Variants in SPMIP8 observed in about 807,000 individuals in gnomAD.
SPMIP8 encodes sperm microtubule inner protein 8.
chr16:57,985,480 A>C, the SPMIP8 span: 1 of 1,613,894 alleles, frequency 6.2e-7, no homozygotes, highest in Non-Finnish European at 8.5e-7. Context: ...TGCCCGCCTC[A>C]GTACTGCCTC....
chr16:57,980,330 CA>C, the SPMIP8 span, among the ~76,000 whole-genome samples: 1 of 152,224 alleles, frequency 6.6e-6, no homozygotes, highest in Admixed American at 6.5e-5. Context: ...ATGCATGTAA[CA>C]TACAACCCAT....
chr16:57,985,598 G>A, the SPMIP8 span: 5 of 1,528,466 alleles, frequency 3.3e-6, no homozygotes, highest in Admixed American at 4.3e-5. Flanking sequence ...GGGAGGATGA[G>A]GTCTGGGCCG....
chr16:57,980,782 C>T, the SPMIP8 span, among the ~76,000 whole-genome samples: 1 of 152,160 alleles, frequency 6.6e-6, no homozygotes, highest in Non-Finnish European at 1.5e-5. Flanking sequence ...ACAGCCTCGA[C>T]CTCCCAGGTT....
At chr16:57,987,421 C>T in the SPMIP8 span, 23 of 1,596,790 alleles carry the variant, frequency 1.4e-5, no homozygotes, top group African/African-American at 2.7e-4. Flanking sequence ...GACCCCCTGG[C>T]ATTAATCTCT....
chr16:57,980,706 G>GT, the SPMIP8 span, among the ~76,000 whole-genome samples: 3 of 152,174 alleles, frequency 2.0e-5, no homozygotes, highest in Admixed American at 2.0e-4. Flanking sequence ...GTTTTGTTTT[G>GT]TTTTTTTAGA....
chr16:57,980,346 G>A, the SPMIP8 span, among the ~76,000 whole-genome samples: 6 of 152,228 alleles, frequency 3.9e-5, 1 homozygote, highest in Non-Finnish European at 5.9e-5. Flanking sequence ...ACCCATGTTC[G>A]CTTTGAGGTG....
At chr16:57,987,541 G>A in the SPMIP8 span, 1 of 1,191,838 alleles carries the variant, frequency 8.4e-7, no homozygotes, top group Non-Finnish European at 1.1e-6. Flanking sequence ...AGCCTAACTA[G>A]AAATAAACCT....
chr16:57,984,353 C>T, the SPMIP8 span: 1 of 1,614,240 alleles, frequency 6.2e-7, no homozygotes, highest in South Asian at 1.1e-5. Context: ...CAACAAACCC[C>T]TGCAGTGTTT....
chr16:57,985,993 T>C, the SPMIP8 span: 4 of 1,559,770 alleles, frequency 2.6e-6, no homozygotes, highest in Non-Finnish European at 3.5e-6. Context: ...CTCATCCGAC[T>C]GCTGGGGACA....
At chr16:57,977,673 A>G in the SPMIP8 span, 2 of 901,472 alleles carry the variant, frequency 2.2e-6, no homozygotes, top group East Asian at 4.9e-5. Context: ...TGAGCTCCAG[A>G]AAAATGGCCT....
chr16:57,983,898 C>A, the SPMIP8 span, among the ~76,000 whole-genome samples: 1 of 152,034 alleles, frequency 6.6e-6, no homozygotes, highest in Non-Finnish European at 1.5e-5. Flanking sequence ...CAAGTGTGAG[C>A]TACCGTGCCC....
the SPMIP8 span, among the ~76,000 whole-genome samples, chr16:57,979,044 C>T: frequency 1.3e-5 from 2 of 152,338 alleles, no homozygotes; most frequent in Admixed American, 6.5e-5. Context: ...CTCCTCACAG[C>T]CCCCATGCAG....
chr16:57,983,930 AG>A, the SPMIP8 span, among the ~76,000 whole-genome samples: 1 of 140,636 alleles, frequency 7.1e-6, no homozygotes, highest in Non-Finnish European at 1.5e-5. Context: ...TCTTTTTTTG[AG>A]ACACGATCTT....
the SPMIP8 span, chr16:57,987,105 C>A: frequency 2.7e-6 from 1 of 363,650 alleles, no homozygotes; most frequent in Non-Finnish European, 4.9e-6. Flanking sequence ...CTGGGTTTTG[C>A]TACCATATGA....
chr16:57,987,683 G>A, the SPMIP8 span: 2 of 407,200 alleles, frequency 4.9e-6, no homozygotes, highest in South Asian at 7.7e-5. Context: ...GACTGGTGGG[G>A]GGTTGGAGAA....
At chr16:57,976,779 C>T in the SPMIP8 span, 1 of 925,748 alleles carries the variant, frequency 1.1e-6, no homozygotes, top group Non-Finnish European at 1.6e-6. Context: ...GATCTAAGGT[C>T]CTCTCTCCTC....
At chr16:57,987,190 A>G in the SPMIP8 span, 1 of 438,106 alleles carries the variant, frequency 2.3e-6, no homozygotes, top group South Asian at 7.2e-5. Flanking sequence ...AATGGGAGAG[A>G]AGGATGAGGC....
the SPMIP8 span, among the ~76,000 whole-genome samples, chr16:57,981,407 A>ATTATTATTATTATT: frequency 1.8e-5 from 1 of 56,394 alleles, no homozygotes; most frequent in South Asian, 5.3e-4. Context: ...TTATTATTAT[A>ATTATTATTATTATT]ATAATAATTA....
chr16:57,980,969 C>G, the SPMIP8 span, among the ~76,000 whole-genome samples: 1 of 152,204 alleles, frequency 6.6e-6, no homozygotes, highest in African/African-American at 2.4e-5. Context: ...CCAGCTTCAG[C>G]CTCCCGAAGT....
Sources: gnomAD v4.1 joint callset for allele counts (sites outside exome capture counted in the v4.1 genomes callset) on GRCh38, gnomAD v4.1.1 for gene constraint, MANE v1.5 for transcripts, NCBI Gene and HGNC (gene_info 2026-07-23, HGNC 2026-07-21) for gene names.